Variants in PLCH2 observed in about 807,000 individuals in gnomAD.
PLCH2 encodes the protein 1-phosphatidylinositol 4,5-bisphosphate phosphodiesterase eta-2.
PLCH2 carries 98 observed loss-of-function variants against 134.7 expected under a neutral mutation model. That is an observed-to-expected ratio of 0.73 (90% CI 0.62 to 0.86). The LOEUF is 0.86. Ranked by LOEUF, PLCH2 falls within the 40% of genes least tolerant of loss-of-function variation. The pLI, the probability that PLCH2 is intolerant of heterozygous loss-of-function variation, is 0.00. For synonymous variants in PLCH2, 974 were observed against 827.5 expected, an observed-to-expected ratio of 1.18 and a Z score of -3.04; for missense variants, 1,994 against 1,986.6, an observed-to-expected ratio of 1.00 and a Z score of -0.07.
upstream of PLCH2, among the ~76,000 whole-genome samples, chr1:2,423,000 C>G (rs1048723057): frequency 6.6e-6 from 1 of 152,162 alleles, no homozygotes; most frequent in African/African-American, 2.4e-5. Flanking sequence ...ATTACTATCA[C>G]CCCGATCTCA....
At chr1:2,460,478 G>C (rs1640759942) in intron 2 of PLCH2, among the ~76,000 whole-genome samples, 1 of 152,256 alleles carries the variant, frequency 6.6e-6, no homozygotes, top group African/African-American at 2.4e-5. Context: ...CTTGGCCCCG[G>C]GGCATGGGCC....
chr1:2,467,779 T>G (rs1464538825), intron 1 of PLCH2: 1 of 398,568 alleles, frequency 2.5e-6, no homozygotes, highest in Non-Finnish European at 4.4e-6. Flanking sequence ...GGTGACCCAC[T>G]GACCCCCCGT....
upstream of PLCH2, among the ~76,000 whole-genome samples, chr1:2,464,858 G>A (rs1640982309): frequency 6.6e-6 from 1 of 152,230 alleles, no homozygotes; most frequent in Non-Finnish European, 1.5e-5. Context: ...CCTGGTTCAG[G>A]TGGCCTCGGG....
upstream of PLCH2, chr1:2,467,359 CG>C (rs1641103918): frequency 2.7e-6 from 1 of 373,734 alleles, no homozygotes; most frequent in Non-Finnish European, 4.7e-6. Flanking sequence ...CTGCTGGGCC[CG>C]GGCTGGGCAG....
At chr1:2,491,407 G>A (rs993276893) in intron 11 of PLCH2, 72 bp downstream of exon 11, 1 of 1,521,418 alleles carries the variant, frequency 6.6e-7, no homozygotes, top group Non-Finnish European at 9.0e-7. Flanking sequence ...GCCAGCCAGG[G>A]CCCCCGAACG....
intron 1 of PLCH2, 99 bp downstream of exon 1, chr1:2,476,811 C>T: frequency 7.9e-7 from 1 of 1,267,780 alleles, no homozygotes. Flanking sequence ...GCCTGGGCCT[C>T]CATCCCATCC....
intron 1 of PLCH2, 122 bp from the exon 2 acceptor site, chr1:2,478,354 C>T (rs963642641): frequency 7.4e-5 from 91 of 1,231,102 alleles, no homozygotes; most frequent in Non-Finnish European, 9.6e-5. Context: ...GAGGAGTGGC[C>T]GTGCCTCCGC....
Position 2,480,265 on chromosome 1 carries a change from A to G in PLCH2, c.598A>G (p.Lys200Glu), listed in dbSNP as rs1043025345. The change falls in exon 4 of 22, where the codon AAG (lysine) becomes GAG (glutamate). Residue 200 changes from lysine to glutamate, a missense_variant. Physicochemically the swap from Lys to Glu is moderately conservative, Grantham distance 56. This residue lies in a region of PLCH2 where 1,094 missense variants were observed against 1,234.3 expected (regional missense o/e 0.89). Coordinates refer to ENST00000378486, the MANE Select transcript of PLCH2 (RefSeq NM_014638.4). ...TGGCGAGGTCCTGCAGCTGCTGCAC[A>G]AGCTCAACGTGAACCTGCCCCGGCA... is the stretch of plus-strand genomic sequence containing the variant. The part of the protein sequence containing the change: ...SIGEVLQLLH[K>E]LNVNLPRQRV... 21 of 1,612,744 alleles carry G rather than the reference A, an allele frequency of 1.3e-5. No homozygotes were observed. Among genetic ancestry groups the G allele is most frequent in the Non-Finnish European group, 1.8e-5 (21 of 1,179,818 alleles).
Position 2,504,282 on chromosome 1 carries a change from G to A in PLCH2, c.3320G>A (p.Gly1107Glu). The A allele has an allele frequency of 6.3e-7, 1 of 1,594,876 alleles. No homozygotes were observed. The highest frequency in any genetic ancestry group is 8.5e-7 in the Non-Finnish European group (1 of 1,173,012). The change falls in exon 22 of 22, where the codon GGG becomes GAG. Residue 1107 changes from glycine to glutamate, a missense_variant. Gly to Glu is a moderately conservative substitution (Grantham distance 98). Around this residue, in one of 2 missense-constraint regions of PLCH2, gnomAD observed 900 missense variants for 752.3 expected, o/e 1.20. Transcript: ENST00000378486. ...EGQVPTEPLG[G>E]WRPLAAPFPA... ...CAGGTGCCCACGGAGCCCCTGGGAGGGTGGCGGCCCCTGGCCGCTCCCTTT... is the reference window on the plus strand; with the variant it reads ...CAGGTGCCCACGGAGCCCCTGGGAGAGTGGCGGCCCCTGGCCGCTCCCTTT...
rs775258357 is a variant in PLCH2, at chr1:2,489,794, C to T, written c.1442C>T (p.Ala481Val). ...KKLPANISED[A>V]EEGEVSDEDS... is the part of the protein sequence containing the mutation. ...CTCCCAGCCAACATCAGCGAGGATG[C>T]GGAGGAAGGCGAGGTGTCTGATGAG... Residue 481 changes from alanine to valine, a missense_variant, in exon 10 of 22, where the codon GCG becomes GTG. By Grantham distance (64) the Ala-to-Val change is moderately conservative (BLOSUM62 0). This residue lies in a region of PLCH2 where 1,094 missense variants were observed against 1,234.3 expected (regional missense o/e 0.89). Coordinates refer to ENST00000378486, the MANE Select transcript of PLCH2 (RefSeq NM_014638.4). 3.0e-5 allele frequency: 48 copies of T among 1,613,512 alleles called. No homozygotes were observed. The highest frequency in any genetic ancestry group is 3.3e-4 in the Middle Eastern group (2 of 6,084).
chr1:2,448,444 G>T lies in PLCH2; in HGVS notation c.115+17815G>T, dbSNP rs1020307271. Among the ~76,000 whole-genome samples the T allele has an allele frequency of 2.0e-5, 3 of 152,156 alleles. No individual in the cohort carries two copies. The highest frequency in any genetic ancestry group is 4.1e-4 in the South Asian group (2 of 4,826). On this transcript the variant is annotated intron_variant, in intron 2 of 3. Transcript: ENST00000609981. This position sits in a 1 kb window ranked among gnomAD's most constrained non-coding sequence, Gnocchi z 4.0. Reference sequence around the variant, plus strand: ...CGCCCTTCTCTCCGTCTTCTCTTGCGCCTCGAGTCTCCTTTGTCCTGTAGG... The same window carrying T: ...CGCCCTTCTCTCCGTCTTCTCTTGCTCCTCGAGTCTCCTTTGTCCTGTAGG...
At chr1:2,486,698 C>T (rs373137084) in intron 5 of PLCH2, among the ~76,000 whole-genome samples, 4 of 152,366 alleles carry the variant, frequency 2.6e-5, no homozygotes, top group East Asian at 3.9e-4. Flanking sequence ...AGGCCCCTCC[C>T]GTGCCGTCAG....
upstream of PLCH2, among the ~76,000 whole-genome samples, chr1:2,421,651 A>G (rs1638520539): frequency 6.6e-6 from 1 of 152,206 alleles, no homozygotes. Flanking sequence ...TTCATAAAAA[A>G]ATATGAAAAT....
chr1:2,436,488 T>C (rs1255666403), intron 2 of PLCH2, among the ~76,000 whole-genome samples: 11 of 17,372 alleles, frequency 6.3e-4, no homozygotes, highest in Admixed American at 6.9e-4. Context: ...CCTCCTCCCC[T>C]CCTCCCTCCT....
rs1639859137 is a variant in PLCH2 at position 2,444,704 on chromosome 1, C to G, written c.115+14075C>G. Among the ~76,000 whole-genome samples, 1 of 152,154 alleles carries G rather than the reference C, an allele frequency of 6.6e-6. No homozygotes were observed. Among genetic ancestry groups the G allele is most frequent in the Non-Finnish European group, 1.5e-5 (1 of 68,008 alleles). ...CCGCCTCCCACACTGTCTGGTGACA[C>G]TGGAGGCAGCCAAGGTGGCCACTGA... is the stretch of plus-strand genomic sequence containing the variant. On this transcript the variant is annotated intron_variant, in intron 2 of 3. Coordinates refer to the PLCH2 transcript ENST00000609981. The surrounding 1 kb of genome is among the most constrained non-coding windows in gnomAD (Gnocchi z 4.6).
chr1:2,486,158 G>A (rs972761525), intron 5 of PLCH2, among the ~76,000 whole-genome samples: 4 of 152,208 alleles, frequency 2.6e-5, no homozygotes, highest in Non-Finnish European at 5.9e-5. Context: ...GGCCTGGATA[G>A]GGGATTGGCA....
At chr1:2,493,045 G>C (rs948569972) in intron 11 of PLCH2, 1 of 152,218 alleles carries the variant, frequency 6.6e-6, no homozygotes, top group Non-Finnish European at 1.5e-5. Context: ...GACAGAGGCA[G>C]GGCTGGGGGG....
At chr1:2,418,512 C>T in the PLCH2 span, among the ~76,000 whole-genome samples, 1 of 152,216 alleles carries the variant, frequency 6.6e-6, no homozygotes, top group African/African-American at 2.4e-5. Context: ...CTGCCTCCCT[C>T]GGACGGCTGA....
At chr1:2,482,004 A>G (rs1457184552) in intron 4 of PLCH2, among the ~76,000 whole-genome samples, 1 of 152,230 alleles carries the variant, frequency 6.6e-6, no homozygotes, top group Non-Finnish European at 1.5e-5. Context: ...ATTTCATCAA[A>G]CCTAAGATAA....
Sources: allele counts gnomAD v4.1 joint callset (sites outside exome capture counted in the v4.1 genomes callset), GRCh38; gene constraint gnomAD v4.1.1; regional missense constraint gnomAD v4.1.1; non-coding constraint Gnocchi (gnomAD v3.1); transcripts MANE v1.5; gene names NCBI Gene and HGNC (gene_info 2026-07-23, HGNC 2026-07-21).